The following ST3GAL5 variants were observed in gnomAD, a reference collection of about 807,000 sequenced individuals.
ST3GAL5 encodes lactosylceramide alpha-2,3-sialyltransferase.
In ST3GAL5, 25 loss-of-function variants were observed where a neutral mutation model predicts 46.1. The ratio of observed to expected loss-of-function variants is 0.54; its 90% CI spans 0.40 to 0.76. ST3GAL5 has a LOEUF of 0.76. Ranked by LOEUF, ST3GAL5 falls within the 30% of genes least tolerant of loss-of-function variation. ST3GAL5 has a pLI of 0.00. For missense variants in ST3GAL5, 431 were observed against 521.2 expected (o/e 0.83, Z 1.69); for synonymous variants, 182 against 192.7 (o/e 0.94, Z 0.46).
At chr2:85,885,750 C>T (rs4832215) in intron 1 of ST3GAL5, among the ~76,000 whole-genome samples, 62,100 of 151,066 alleles carry the variant, frequency 0.41, 13,139 homozygotes, top group Admixed American at 0.54. Context: ...GCGTGAACCC[C>T]GGAGGCGGAG....
At chr2:85,865,051 G>A (rs1384155125) in intron 1 of ST3GAL5, among the ~76,000 whole-genome samples, 1 of 152,122 alleles carries the variant, frequency 6.6e-6, no homozygotes, top group Non-Finnish European at 1.5e-5. Flanking sequence ...AAGGAGCTGG[G>A]GCCCCTGGGA....
intron 1 of ST3GAL5, chr2:85,867,654 A>G (rs1400196646): frequency 5.1e-6 from 4 of 780,840 alleles, no homozygotes; most frequent in Non-Finnish European, 9.6e-6. Flanking sequence ...ATGGTTGCCC[A>G]TGCTATTACT....
intron 5 of ST3GAL5, chr2:85,846,151 G>A (rs185437858): frequency 3.9e-6 from 2 of 514,508 alleles, no homozygotes; most frequent in Admixed American, 3.2e-5. Flanking sequence ...AGCCAAGACT[G>A]CACCACTGCA....
At chr2:85,846,177 C>T in intron 5 of ST3GAL5, 200 bp downstream of exon 5, 1 of 577,920 alleles carries the variant, frequency 1.7e-6, no homozygotes, top group Non-Finnish European at 3.1e-6. Context: ...GCCCTCTAGC[C>T]TGGACAACAG....
At chr2:85,844,293 C>T in intron 6 of ST3GAL5, 103 bp downstream of exon 6, 1 of 1,489,884 alleles carries the variant, frequency 6.7e-7, no homozygotes, top group Non-Finnish European at 9.3e-7. Flanking sequence ...GGCTGGGTTT[C>T]TCCACTGGAG....
intron 1 of ST3GAL5, among the ~76,000 whole-genome samples, chr2:85,869,795 T>G (rs1685711250): frequency 6.6e-6 from 1 of 152,046 alleles, no homozygotes; most frequent in Non-Finnish European, 1.5e-5. Context: ...AGATGGTGAG[T>G]GAATCCCAAC....
intron 1 of ST3GAL5, among the ~76,000 whole-genome samples, chr2:85,876,895 C>G (rs555644721): frequency 2.0e-5 from 3 of 152,328 alleles, no homozygotes; most frequent in African/African-American, 7.2e-5. Context: ...TGATGCTAGA[C>G]TGGCCACAGC....
intron 3 of ST3GAL5, chr2:85,854,944 A>T (rs555943707): frequency 1.3e-5 from 2 of 152,348 alleles, no homozygotes. Context: ...GAGTAACAGA[A>T]GGGCGAAGGG....
At chr2:85,886,743 C>T (rs983947049) in intron 1 of ST3GAL5, among the ~76,000 whole-genome samples, 1 of 152,182 alleles carries the variant, frequency 6.6e-6, no homozygotes, top group Non-Finnish European at 1.5e-5. Context: ...TCCTCCCACA[C>T]CAGGCCTGTG....
intron 5 of ST3GAL5, 169 bp from the exon 6 acceptor site, chr2:85,844,723 ACTC>A: frequency 1.2e-6 from 1 of 860,600 alleles, no homozygotes. Context: ...CGGCACTCCA[ACTC>A]AAAAAAGTAA....
chr2:85,855,436 G>A (rs1403377078), intron 3 of ST3GAL5: 3 of 152,066 alleles, frequency 2.0e-5, no homozygotes, highest in African/African-American at 7.2e-5. Flanking sequence ...AGTGAAAATG[G>A]ACTAATATAC....
intron 1 of ST3GAL5, among the ~76,000 whole-genome samples, chr2:85,866,801 T>C (rs940833496): frequency 4.6e-5 from 7 of 152,244 alleles, no homozygotes; most frequent in South Asian, 2.1e-4. Flanking sequence ...TTCACCTTTG[T>C]ATCCCTAAAA....
At position 85,846,453 on chromosome 2, in the gene ST3GAL5, T is replaced by C. The variant is rs1473352614; in HGVS notation, c.773A>G (p.Asn258Ser). The change falls in exon 5 of 7, where the codon AAT becomes AGT. Residue 258 changes from asparagine to serine, a missense_variant. Physicochemically the swap from Asn to Ser is conservative, Grantham distance 46. Transcript: ENST00000638572. ...AAATAAAACAGCAACAAATAAGTCA[T>C]TGGAATAATATTCAAGGTCAGACAG... The part of the protein sequence containing the change: ...APLSDLEYYS[N>S]DLFVAVLFKS... The C allele has an allele frequency of 2.5e-6, 4 of 1,614,188 alleles. No individual in the cohort carries two copies. The highest frequency in any genetic ancestry group is 2.2e-5 in the East Asian group (1 of 44,890).
chr2:85,846,155 C>T (rs1573588541), intron 5 of ST3GAL5: 2 of 523,238 alleles, frequency 3.8e-6, no homozygotes, highest in East Asian at 3.5e-5. Flanking sequence ...AAGACTGCAC[C>T]ACTGCACTCC....
chr2:85,870,820 G>A (rs1305226574), intron 1 of ST3GAL5, among the ~76,000 whole-genome samples: 2 of 151,610 alleles, frequency 1.3e-5, no homozygotes, highest in African/African-American at 2.4e-5. Flanking sequence ...GGGATTACAG[G>A]TGCCCGCCAC....
Position 85,840,132 on chromosome 2 carries a change from G to A in ST3GAL5, c.*12C>T. ...GAGTTAGAGTTGCATTTTCAACTGA[G>A]GTTTTCTGTGTTCAAAATTCACGAT... On this transcript the variant is annotated 3_prime_UTR_variant, in exon 7 of 7. Transcript: ENST00000638572. 6.2e-7 allele frequency: 1 copy of A among 1,614,146 alleles called. No individual in the cohort carries two copies. Among genetic ancestry groups the A allele is most frequent in the South Asian group, 1.1e-5 (1 of 91,076 alleles).
chr2:85,872,629 G>A (rs925704593), intron 1 of ST3GAL5, among the ~76,000 whole-genome samples: 1 of 150,974 alleles, frequency 6.6e-6, no homozygotes, highest in African/African-American at 2.4e-5. Context: ...GAACGTGCAC[G>A]GGGCCGGCTG....
At chr2:85,885,594 C>T (rs549307836) in intron 1 of ST3GAL5, among the ~76,000 whole-genome samples, 13 of 152,052 alleles carry the variant, frequency 8.5e-5, no homozygotes, top group Non-Finnish European at 1.3e-4. Flanking sequence ...TTTGGGAGGC[C>T]GAGGTGGGCG....
intron 3 of ST3GAL5, chr2:85,853,171 G>T: frequency 5.2e-6 from 5 of 968,564 alleles, no homozygotes; most frequent in South Asian, 1.4e-5. Context: ...ACATCAACGT[G>T]CCCTCGTCTC....
Sources: gnomAD v4.1 joint callset for allele counts (sites outside exome capture counted in the v4.1 genomes callset) on GRCh38, gnomAD v4.1.1 for gene constraint, MANE v1.5 for transcripts, NCBI Gene and HGNC (gene_info 2026-07-23, HGNC 2026-07-21) for gene names.